The following ERICH6 variants were observed in gnomAD, a reference collection of about 807,000 sequenced individuals.
The protein encoded by ERICH6 is glutamate rich 6.
A neutral mutation model predicts 71.0 loss-of-function variants in ERICH6; 71 were observed. That is an observed-to-expected ratio of 1.00 (90% CI 0.83 to 1.22). The LOEUF (loss-of-function observed/expected upper bound fraction) is 1.22, where lower values mean the gene tolerates loss of function less well. Ranked by LOEUF, ERICH6 falls within the 50% of genes most tolerant of loss-of-function variation. The pLI is 0.00. For synonymous variants in ERICH6, 262 were observed against 278.4 expected, an observed-to-expected ratio of 0.94 and a Z score of 0.59; for missense variants, 808 against 797.2, an observed-to-expected ratio of 1.01 and a Z score of -0.16.
intron 2 of ERICH6, 76 bp downstream of exon 2, chr3:150,702,045 T>G: frequency 9.8e-7 from 1 of 1,016,178 alleles, no homozygotes; most frequent in Admixed American, 2.7e-5. Flanking sequence ...TATTTTACTC[T>G]ACTTCCTAAC....
chr3:150,678,404 AT>A lies in ERICH6; in HGVS notation c.1257+4del. 1 of 1,554,944 alleles carries A rather than the reference AT, an allele frequency of 6.4e-7. No homozygotes were observed. Among genetic ancestry groups the A allele is most frequent in the Non-Finnish European group, 8.6e-7 (1 of 1,159,402 alleles). On this transcript the variant is annotated splice_donor_region_variant and intron_variant, in intron 10 of 13. Transcript: ENST00000295910. Reference sequence around the variant, plus strand: ...TAGCAAGTAAAAAAATTACAAGTTCATTACCTTTCCACATGCTATCCGAGAA... The same window carrying A: ...TAGCAAGTAAAAAAATTACAAGTTCATACCTTTCCACATGCTATCCGAGAA...
chr3:150,680,217 T>A (rs1270682361), intron 9 of ERICH6, among the ~76,000 whole-genome samples: 1 of 152,190 alleles, frequency 6.6e-6, no homozygotes, highest in Non-Finnish European at 1.5e-5. Context: ...GAAATAAAAA[T>A]TTTTCAATAC....
Position 150,685,734 on chromosome 3 carries a change from A to G in ERICH6, c.783+8T>C, listed in dbSNP as rs770335054. On this transcript the variant is annotated splice_region_variant and intron_variant, in intron 6 of 13. Coordinates refer to ENST00000295910, the MANE Select transcript of ERICH6 (RefSeq NM_152394.5). ...AGAGTAATAATAAGAAACATGAATTAAAGTCACCTTGAAGTTAATGCCTAA... is the reference window on the plus strand; with the variant it reads ...AGAGTAATAATAAGAAACATGAATTGAAGTCACCTTGAAGTTAATGCCTAA... 1 of 1,594,710 alleles carries G rather than the reference A, an allele frequency of 6.3e-7. No individual in the cohort carries two copies. Among genetic ancestry groups the G allele is most frequent in the Non-Finnish European group, 8.6e-7 (1 of 1,164,774 alleles).
chr3:150,684,053 G>A (rs1167640407), intron 6 of ERICH6, among the ~76,000 whole-genome samples: 1 of 152,130 alleles, frequency 6.6e-6, no homozygotes, highest in Non-Finnish European at 1.5e-5. Context: ...CTAGATACAA[G>A]CCTTTGTGGT....
intron 6 of ERICH6, among the ~76,000 whole-genome samples, chr3:150,682,845 T>A (rs1309770638): frequency 6.6e-6 from 1 of 152,074 alleles, no homozygotes; most frequent in African/African-American, 2.4e-5. Context: ...GGAGCCTAGG[T>A]TGGAGCTCTG....
intron 13 of ERICH6, among the ~76,000 whole-genome samples, chr3:150,665,958 T>A (rs1727401814): frequency 6.6e-6 from 1 of 152,194 alleles, no homozygotes; most frequent in South Asian, 2.1e-4. Flanking sequence ...TCCATCTCTA[T>A]GTCTATATTA....
intron 10 of ERICH6, among the ~76,000 whole-genome samples, chr3:150,675,489 C>T (rs1711615737): frequency 6.6e-6 from 1 of 152,084 alleles, no homozygotes; most frequent in South Asian, 2.1e-4. Flanking sequence ...GCTGGGATTA[C>T]AGGCATGTGC....
chr3:150,690,277 T>C (rs1712377994), intron 3 of ERICH6, among the ~76,000 whole-genome samples: 1 of 152,230 alleles, frequency 6.6e-6, no homozygotes, highest in South Asian at 2.1e-4. Flanking sequence ...CCACACGTTA[T>C]GATATACATT....
At chr3:150,681,007 G>T in intron 7 of ERICH6, 77 bp from the exon 8 acceptor site, 3 of 1,423,414 alleles carry the variant, frequency 2.1e-6, no homozygotes, top group Non-Finnish European at 2.8e-6. Flanking sequence ...TGACTAACAA[G>T]GTTTGGATAA....
At chr3:150,692,760 G>T (rs758520170) in intron 3 of ERICH6, among the ~76,000 whole-genome samples, 1 of 151,988 alleles carries the variant, frequency 6.6e-6, no homozygotes, top group Non-Finnish European at 1.5e-5. Flanking sequence ...TTTGACTATG[G>T]CTGCCCTAAA....
chr3:150,703,713 C>T lies in ERICH6; in HGVS notation c.186G>A (p.Gly62=). The T allele has an allele frequency of 6.2e-7, 1 of 1,608,484 alleles. No homozygotes were observed. Among genetic ancestry groups the T allele is most frequent in the Non-Finnish European group, 8.5e-7 (1 of 1,177,280 alleles). ...EEEVVEEELV[G]EEQELEAPET... ...CAGGGGCCTCCAACTCCTGCTCTTC[C>T]CCCACCAACTCCTCCTCCACCACCT... The change falls in exon 1 of 14, where the codon GGG becomes GGA. Residue 62 remains glycine, a synonymous_variant. Coordinates refer to ENST00000295910, the MANE Select transcript of ERICH6 (RefSeq NM_152394.5).
At chr3:150,661,775 G>A (rs1727232259) in intron 13 of ERICH6, among the ~76,000 whole-genome samples, 1 of 152,074 alleles carries the variant, frequency 6.6e-6, no homozygotes, top group Non-Finnish European at 1.5e-5. Context: ...TAGCTACTTG[G>A]GAGGCTGAGG....
intron 11 of ERICH6, 78 bp from the exon 12 acceptor site, chr3:150,669,529 C>T: frequency 4.8e-6 from 7 of 1,470,040 alleles, no homozygotes; most frequent in Admixed American, 4.2e-5. Context: ...TATGAGAGAG[C>T]ACTCTGAAAT....
At chr3:150,695,843 CTTAATATTAAAAGAT>C (rs898931307) in intron 3 of ERICH6, among the ~76,000 whole-genome samples, 9 of 151,006 alleles carry the variant, frequency 6.0e-5, no homozygotes, top group Admixed American at 2.6e-4. Flanking sequence ...AAAAACAAGA[CTTAATATTAAAAGAT>C]TTAATATTAA....
intron 4 of ERICH6, 30 bp downstream of exon 4, chr3:150,686,267 CA>C: frequency 1.9e-6 from 3 of 1,609,006 alleles, no homozygotes; most frequent in Non-Finnish European, 1.7e-6. Flanking sequence ...CCTTTGCCAG[CA>C]AAAGGAGATG....
intron 11 of ERICH6, among the ~76,000 whole-genome samples, 182 bp from the exon 12 acceptor site, chr3:150,669,633 C>G (rs1340737934): frequency 6.6e-6 from 1 of 152,102 alleles, no homozygotes; most frequent in East Asian, 1.9e-4. Flanking sequence ...ATGCAAAAAT[C>G]CTCAACAAAA....
intron 3 of ERICH6, among the ~76,000 whole-genome samples, chr3:150,696,228 G>C (rs1367533918): frequency 1.4e-5 from 2 of 141,960 alleles, no homozygotes; most frequent in Non-Finnish European, 3.1e-5. Context: ...ACTGGTTAAG[G>C]AGTAGTATAG....
At chr3:150,672,182 A>T (rs1176916078) in intron 11 of ERICH6, among the ~76,000 whole-genome samples, 1 of 150,310 alleles carries the variant, frequency 6.7e-6, no homozygotes, top group African/African-American at 2.5e-5. Flanking sequence ...ATTGCATATC[A>T]TATATTTATA....
chr3:150,662,739 G>T lies in ERICH6; in HGVS notation c.1729-2584C>A, dbSNP rs1352670615. 2.6e-5 allele frequency among the ~76,000 whole-genome samples: 4 copies of T among 150,948 alleles called. No homozygotes were observed. In the South Asian group the frequency reaches 6.3e-4, roughly 24 times the overall value. On this transcript the variant is annotated intron_variant, in intron 13 of 13. Transcript: ENST00000295910. ...CTATATATTAAAACGTGTGGCAAAT[G>T]ACCAAAGAGGCACTCAGAGTGCTAG...
Sources: gnomAD v4.1 joint callset for allele counts (sites outside exome capture counted in the v4.1 genomes callset) on GRCh38, gnomAD v4.1.1 for gene constraint, MANE v1.5 for transcripts, NCBI Gene and HGNC (gene_info 2026-07-23, HGNC 2026-07-21) for gene names.